CELSR1: variants seen among roughly 807,000 people sequenced by gnomAD.
CELSR1 encodes the protein adhesion G protein-coupled receptor C1.
A neutral mutation model predicts 249.1 loss-of-function variants in CELSR1; 110 were observed. That is an observed-to-expected ratio of 0.44 (90% confidence interval 0.38 to 0.52). The LOEUF is 0.52. Ranked by LOEUF, CELSR1 falls within the 20% of genes least tolerant of loss-of-function variation. The probability of loss-of-function intolerance (pLI) is 0.00; values close to 1 mark genes in which losing one functional copy is unlikely to be tolerated. For missense variants in CELSR1, 4,109 were observed against 4,296.4 expected (o/e 0.96, Z 1.22); for synonymous variants, 2,113 against 1,900.0 (o/e 1.11, Z -2.92).
chr22:46,536,769 G>C lies in CELSR1; in HGVS notation c.402C>G (p.Pro134=). 8.4e-7 allele frequency: 1 copy of C among 1,184,850 alleles called. No homozygotes were observed. Among genetic ancestry groups the C allele is most frequent in the Non-Finnish European group, 1.0e-6 (1 of 958,910 alleles). The allele number at this position is 1,184,850 out of a possible 1,614,324, so 73.4% of individuals were successfully genotyped here. A position where few individuals can be genotyped will look rare whatever the true frequency, so the allele number is the denominator to read the frequency against. ...GCGCGGCCGCGCAGCCGCCGGGGAC[G>C]GGGAAGCAGAGCGCCCCGCAGAGCC... is the stretch of plus-strand genomic sequence containing the variant. ...GARLCGALCF[P]VPGGCAAAQH... The change falls in exon 1 of 35, where the codon CCC becomes CCG. Residue 134 remains proline, a synonymous_variant. Coordinates refer to ENST00000674500, the MANE Select transcript of CELSR1 (RefSeq NM_001378328.1).
Position 46,374,451 on chromosome 22 carries a change from TGA to T in CELSR1, c.7585-1396_7585-1395del, listed in dbSNP as rs575423243. Among the ~76,000 whole-genome samples the T allele has an allele frequency of 1.1e-4, 17 of 152,322 alleles. 1 individual carries two copies. The South Asian group carries it at 2.3e-3, about 20-fold the overall frequency. On this transcript the variant is annotated intron_variant, in intron 24 of 34. Transcript: ENST00000674500. This position sits in a 1 kb window ranked among gnomAD's most constrained non-coding sequence, Gnocchi z 4.3. Reference sequence around the variant, plus strand: ...AAATCATTTCAGCCTGCCAGCGCTCTGAGAGATGAAAAACCTCGCCCAGAGAT... The same window carrying T: ...AAATCATTTCAGCCTGCCAGCGCTCTGAGATGAAAAACCTCGCCCAGAGAT...
intron 20 of CELSR1, among the ~76,000 whole-genome samples, chr22:46,383,821 T>G (rs2079004320): frequency 1.3e-5 from 2 of 151,682 alleles, no homozygotes. Context: ...CATGAGCCAC[T>G]GCGCCCAGCT....
Position 46,413,094 on chromosome 22 carries a change from A to G in CELSR1, c.4612-1335T>C, listed in dbSNP as rs1302320929. ...TGAGTTTATAGCATGATACAATCTCATGCTTCTTTATAAAACGTGGAAATA... is the reference window on the plus strand; with the variant it reads ...TGAGTTTATAGCATGATACAATCTCGTGCTTCTTTATAAAACGTGGAAATA... On this transcript the variant is annotated intron_variant, in intron 5 of 34. Coordinates refer to ENST00000674500, the MANE Select transcript of CELSR1 (RefSeq NM_001378328.1). This position sits in a 1 kb window ranked among gnomAD's most constrained non-coding sequence, Gnocchi z 4.7. Among the ~76,000 whole-genome samples, 1 of 152,250 alleles carries G rather than the reference A, an allele frequency of 6.6e-6. No homozygotes were observed. The highest frequency in any genetic ancestry group is 1.5e-5 in the Non-Finnish European group (1 of 68,048).
intron 18 of CELSR1, 146 bp downstream of exon 18, chr22:46,389,144 G>A (rs2079061436): frequency 5.5e-6 from 5 of 902,744 alleles, no homozygotes; most frequent in Non-Finnish European, 6.9e-6. Context: ...CACCCGCCAG[G>A]GCTCACATTT....
Position 46,496,012 on chromosome 22 carries a change from G to A in CELSR1, c.3545-31667C>T, listed in dbSNP as rs753216836. ...AGTTCAAGACCACCCTGGCCAACAT[G>A]GTGAAACCCTGTCTCTACTAAAAAT... On this transcript the variant is annotated intron_variant, in intron 1 of 34. Coordinates refer to ENST00000674500, the MANE Select transcript of CELSR1 (RefSeq NM_001378328.1). Among the ~76,000 whole-genome samples, 284 of 151,854 alleles carry A rather than the reference G, an allele frequency of 1.9e-3. 1 individual carries two copies. The highest frequency in any genetic ancestry group is 3.1e-3 in the Non-Finnish European group (209 of 67,952).
rs1337826304 is a variant in CELSR1, at chr22:46,380,917, C to G, written c.7127G>C (p.Ser2376Thr). 1.2e-6 allele frequency: 2 copies of G among 1,613,716 alleles called. No individual in the cohort carries two copies. The highest frequency in any genetic ancestry group is 1.7e-6 in the Non-Finnish European group (2 of 1,179,980). ...AGCCCCCTCGCTGTACACCAGCGTG[C>G]TCACCATCGGGGTATTAATGATGGG... ...HRPIINTPMV[S>T]TLVYSEGAPL... The change falls in exon 22 of 35, where the codon AGC becomes ACC. Residue 2376 changes from serine (S) to threonine (T), a missense_variant. Physicochemically the swap from Ser to Thr is moderately conservative, Grantham distance 58. Transcript: ENST00000674500. This position sits in a 1 kb window ranked among gnomAD's most constrained non-coding sequence, Gnocchi z 5.1.
chr22:46,364,426 C>T (rs1350195099), intron 33 of CELSR1, 86 bp downstream of exon 33: 2 of 1,513,382 alleles, frequency 1.3e-6, no homozygotes, highest in Middle Eastern at 2.4e-4. Context: ...GCCCCACCAG[C>T]CCCAGCCCCA....
chr22:46,364,750 G>A lies in CELSR1; in HGVS notation c.8555-14C>T, dbSNP rs762756787. 6.8e-6 allele frequency: 11 copies of A among 1,607,432 alleles called. No homozygotes were observed. Among genetic ancestry groups the A allele is most frequent in the Middle Eastern group, 1.7e-4 (1 of 6,036 alleles). ...CCACAGCGTCCCCTGAGGCACGAGAGCGGTGCTCAGCAGGCAGCGGCACTG... is the reference window on the plus strand; with the variant it reads ...CCACAGCGTCCCCTGAGGCACGAGAACGGTGCTCAGCAGGCAGCGGCACTG... On this transcript the variant is annotated splice_polypyrimidine_tract_variant and intron_variant, in intron 32 of 34. Transcript: ENST00000674500.
chr22:46,461,423 G>A (rs919232457), intron 2 of CELSR1, among the ~76,000 whole-genome samples: 3 of 152,178 alleles, frequency 2.0e-5, no homozygotes, highest in Non-Finnish European at 4.4e-5. Flanking sequence ...ATCTTCAGAG[G>A]GGATCTGCTG....
rs977687885 is a variant in CELSR1 at position 46,434,321 on chromosome 22, C to A, written c.4523-840G>T. Among the ~76,000 whole-genome samples, 7 of 152,200 alleles carry A rather than the reference C, an allele frequency of 4.6e-5. No individual in the cohort carries two copies. Among genetic ancestry groups the A allele is most frequent in the African/African-American group, 1.7e-4 (7 of 41,444 alleles). On this transcript the variant is annotated intron_variant, in intron 4 of 34. Transcript: ENST00000674500. The surrounding 1 kb of genome is among the most constrained non-coding windows in gnomAD (Gnocchi z 4.9). ...CCTTTGGGGATTCTGGGGCACAACC[C>A]TGAGTCAGCAGCAGCAGCTGGGAGG...
chr22:46,368,993 C>T, intron 27 of CELSR1, 186 bp downstream of exon 27: 1 of 566,724 alleles, frequency 1.8e-6, no homozygotes, highest in Admixed American at 3.0e-5. Context: ...CCTCAGCTAA[C>T]CTCCCCCAGC....
rs144022867 is a variant in CELSR1 at position 46,439,362 on chromosome 22, C to T, written c.4233G>A (p.Val1411=). 6.2e-7 allele frequency: 1 copy of T among 1,614,016 alleles called. No homozygotes were observed. Among genetic ancestry groups the T allele is most frequent in the South Asian group, 1.1e-5 (1 of 91,084 alleles). The change falls in exon 3 of 35, where the codon GTG becomes GTA. Residue 1411 remains valine, a synonymous_variant. Coordinates refer to ENST00000674500, the MANE Select transcript of CELSR1 (RefSeq NM_001378328.1). ...TCACGCAGGTGCCCCCGTTCTTGCA[C>T]ACCCCGTTGGCACAGCGGCCTGAGC... The part of the protein sequence containing the change: ...DARSGRCANG[V]CKNGGTCVNL...
intron 33 of CELSR1, 69 bp from the exon 34 acceptor site, chr22:46,364,320 C>A (rs2078741934): frequency 6.4e-7 from 1 of 1,571,000 alleles, no homozygotes; most frequent in South Asian, 1.1e-5. Flanking sequence ...GGGCCGTGTG[C>A]AGCTGAGCCA....
chr22:46,534,131 C>G lies in CELSR1; in HGVS notation c.3040G>C (p.Val1014Leu), dbSNP rs765591578. Reference sequence around the variant, plus strand: ...CGAATCTTTGCCACCACCGACCCCACTGGGTTGTTCTCCTCAACAAACAGC... The same window carrying G: ...CGAATCTTTGCCACCACCGACCCCAGTGGGTTGTTCTCCTCAACAAACAGC... The part of the protein sequence containing the change: ...LELFVEENNP[V>L]GSVVAKIRAN... Residue 1014 changes from valine (V) to leucine (L), a missense_variant, in exon 1 of 35, where the codon GTG becomes CTG. Val to Leu is a conservative substitution (Grantham distance 32). This residue lies in a region of CELSR1 where 886 missense variants were observed against 896.5 expected (regional missense o/e 0.99). Transcript: ENST00000674500. This position sits in a 1 kb window ranked among gnomAD's most constrained non-coding sequence, Gnocchi z 9.7. 1 of 1,613,840 alleles carries G rather than the reference C, an allele frequency of 6.2e-7. No individual in the cohort carries two copies. The highest frequency in any genetic ancestry group is 8.5e-7 in the Non-Finnish European group (1 of 1,180,050).
Position 46,367,838 on chromosome 22 carries a change from GCGGT to G in CELSR1, c.7966_7969del (p.Thr2656HisfsTer19), listed in dbSNP as rs1191254922. On this transcript the variant is annotated frameshift_variant, in exon 28 of 35. Coordinates refer to ENST00000674500, the MANE Select transcript of CELSR1 (RefSeq NM_001378328.1). LOFTEE classifies it high-confidence loss of function. ...GCTGATGAGCAGCAGCAGGAGGAAT[GCGGT>G]CCTCAGCAGGGAGCTGCGGGAGGGC... The G allele has an allele frequency of 6.2e-7, 1 of 1,610,828 alleles. No homozygotes were observed. The highest frequency in any genetic ancestry group is 8.5e-7 in the Non-Finnish European group (1 of 1,179,620).
At position 46,536,921 on chromosome 22, in the gene CELSR1, G is replaced by A; in HGVS notation, c.250C>T (p.Arg84Cys). 10 of 1,174,088 alleles carry A rather than the reference G, an allele frequency of 8.5e-6. No individual in the cohort carries two copies. The highest frequency in any genetic ancestry group is 3.2e-5 in the South Asian group (1 of 31,114). 72.7% of individuals were successfully genotyped at this position (1,174,088 alleles called of 1,614,324 possible). A position where few individuals can be genotyped will look rare whatever the true frequency, so the allele number is the denominator to read the frequency against. The change falls in exon 1 of 35, where the codon CGC becomes TGC. Residue 84 changes from arginine (R) to cysteine (C), a missense_variant. Transcript: ENST00000674500. ...AAGCGGACTTGCAGCGGCAGCGGGCGCCCCGCGCCCGAGACGCGCCGACGT... is the reference window on the plus strand; with the variant it reads ...AAGCGGACTTGCAGCGGCAGCGGGCACCCCGCGCCCGAGACGCGCCGACGT... ...AGRRRVSGAG[R>C]PLPLQVRLVA...
rs752977520 is a variant in CELSR1, at chr22:46,409,157, G to T, written c.5065C>A (p.Pro1689Thr). 6.2e-7 allele frequency: 1 copy of T among 1,612,782 alleles called. No homozygotes were observed. ...FGGKNCEQAM[P>T]HPQLFSGESV... is the part of the protein sequence containing the mutation. ...TCACCGCTGAAGAGCTGGGGGTGAG[G>T]CATGGCTGCGGACACAGGCCCAGGG... The change falls in exon 9 of 35, where the codon CCT (proline) becomes ACT (threonine). Residue 1689 changes from proline (P) to threonine (T), a missense_variant. Coordinates refer to ENST00000674500, the MANE Select transcript of CELSR1 (RefSeq NM_001378328.1). This position sits in a 1 kb window ranked among gnomAD's most constrained non-coding sequence, Gnocchi z 9.8.
rs2080295081 is a variant in CELSR1 at position 46,484,389 on chromosome 22, T to C, written c.3545-20044A>G. On this transcript the variant is annotated intron_variant, in intron 1 of 34. Coordinates refer to ENST00000674500, the MANE Select transcript of CELSR1 (RefSeq NM_001378328.1). The surrounding 1 kb of genome is among the most constrained non-coding windows in gnomAD (Gnocchi z 4.5). ...CCTCAGAAATGCAGGCTGCAGCATC[T>C]GCCAGGAACTTGGAGGAGCCACCCC... is the stretch of plus-strand genomic sequence containing the variant. Among the ~76,000 whole-genome samples, 2 of 152,140 alleles carry C rather than the reference T, an allele frequency of 1.3e-5. No homozygotes were observed. The highest frequency in any genetic ancestry group is 4.1e-4 in the South Asian group (2 of 4,828).
chr22:46,529,725 C>T (rs185723920), intron 1 of CELSR1, among the ~76,000 whole-genome samples: 216 of 151,920 alleles, frequency 1.4e-3, no homozygotes, highest in African/African-American at 4.8e-3. Flanking sequence ...ATCACTTGAA[C>T]CCAGGAGGTA....
Sources: gnomAD v4.1 joint callset for allele counts (sites outside exome capture counted in the v4.1 genomes callset) on GRCh38, gnomAD v4.1.1 for gene constraint, gnomAD v4.1.1 regional missense constraint, Gnocchi (gnomAD v3.1) non-coding constraint, MANE v1.5 for transcripts, NCBI Gene and HGNC (gene_info 2026-07-23, HGNC 2026-07-21) for gene names.